The following EPHB1 variants were observed in gnomAD, a reference collection of about 807,000 sequenced individuals.
The protein encoded by EPHB1 is ephrin type-B receptor 1.
A neutral mutation model predicts 94.4 loss-of-function variants in EPHB1; 30 were observed. The observed-to-expected ratio is 0.32, with a 90% CI of 0.24 to 0.43. The LOEUF is 0.43. Ranked by LOEUF, EPHB1 falls within the 20% of genes least tolerant of loss-of-function variation. EPHB1 has a pLI of 1.00. For missense variants in EPHB1, 1,055 were observed against 1,308.3 expected (o/e 0.81, Z 2.99); for synonymous variants, 522 against 489.1 (o/e 1.07, Z -0.89).
chr3:134,871,816 TCAGTCTTTATAA>T (rs1269835104), intron 1 of EPHB1, among the ~76,000 whole-genome samples: 2 of 152,204 alleles, frequency 1.3e-5, no homozygotes, highest in Non-Finnish European at 2.9e-5. Context: ...TGCTCTTCCC[TCAGTCTTTATAA>T]CACTGTAAGT....
chr3:135,154,108 A>G, intron 5 of EPHB1, 44 bp from the exon 6 acceptor site: 2 of 1,612,430 alleles, frequency 1.2e-6, no homozygotes, highest in Non-Finnish European at 1.7e-6. Context: ...TTCCCCTATA[A>G]TTGAGTGTCT....
chr3:135,129,206 G>T (rs58510956), intron 4 of EPHB1, among the ~76,000 whole-genome samples: 2,035 of 151,986 alleles, frequency 0.013, 46 homozygotes, highest in African/African-American at 0.046. Flanking sequence ...GGAATGGGGG[G>T]TGGGGGTGGG....
At chr3:134,952,218 C>T (rs1458220508) in intron 3 of EPHB1, among the ~76,000 whole-genome samples, 166 bp downstream of exon 3, 1 of 152,220 alleles carries the variant, frequency 6.6e-6, no homozygotes, top group Non-Finnish European at 1.5e-5. Context: ...ATTTTCCAAT[C>T]ATGTCCAACC....
chr3:135,107,660 A>G (rs146087702), intron 4 of EPHB1, among the ~76,000 whole-genome samples: 1 of 152,284 alleles, frequency 6.6e-6, no homozygotes, highest in African/African-American at 2.4e-5. Context: ...TGTTTGATGA[A>G]CAGAAAAAGT....
intron 2 of EPHB1, among the ~76,000 whole-genome samples, chr3:134,933,271 T>C (rs1160314294): frequency 6.6e-6 from 1 of 152,176 alleles, no homozygotes; most frequent in Non-Finnish European, 1.5e-5. Flanking sequence ...CCAGCCCCTA[T>C]AGCCTTTTTC....
At chr3:134,955,910 C>T (rs939061276) in intron 3 of EPHB1, among the ~76,000 whole-genome samples, 1 of 152,184 alleles carries the variant, frequency 6.6e-6, no homozygotes, top group Admixed American at 6.5e-5. Flanking sequence ...ATAGCTTTGT[C>T]TTCCCTTCTC....
intron 1 of EPHB1, among the ~76,000 whole-genome samples, chr3:134,856,426 G>A (rs2037119001): frequency 6.6e-6 from 1 of 152,210 alleles, no homozygotes; most frequent in African/African-American, 2.4e-5. Flanking sequence ...CACTCCTTGA[G>A]GTTGTAGAAG....
chr3:134,899,131 T>A (rs2038147387), intron 1 of EPHB1, among the ~76,000 whole-genome samples: 1 of 152,204 alleles, frequency 6.6e-6, no homozygotes, highest in Admixed American at 6.5e-5. Context: ...CATGGATTCA[T>A]GGGCTTTTCA....
chr3:135,050,026 C>T (rs572001207), intron 3 of EPHB1, among the ~76,000 whole-genome samples: 1 of 152,224 alleles, frequency 6.6e-6, no homozygotes, highest in Non-Finnish European at 1.5e-5. Flanking sequence ...TTTGTCTTCA[C>T]AGCCAAGGCA....
At chr3:135,217,475 GGGAGA>G (rs1281516784) in intron 12 of EPHB1, among the ~76,000 whole-genome samples, 9 of 149,612 alleles carry the variant, frequency 6.0e-5, no homozygotes, top group African/African-American at 1.7e-4. Flanking sequence ...CACGCACACG[GGGAGA>G]GAGAGAGAGA....
intron 1 of EPHB1, among the ~76,000 whole-genome samples, chr3:134,799,604 C>T (rs1013104500): frequency 6.6e-6 from 1 of 152,184 alleles, no homozygotes; most frequent in Non-Finnish European, 1.5e-5. Context: ...AGTCCCAGCT[C>T]AAACCTTCTG....
In EPHB1 at chr3:134,795,566, G is replaced by A; in HGVS notation, c.-66G>A. 9.2e-6 allele frequency: 14 copies of A among 1,520,556 alleles called. No homozygotes were observed. Among genetic ancestry groups the A allele is most frequent in the Non-Finnish European group, 1.3e-5 (14 of 1,110,036 alleles). The allele number at this position is 1,520,556 out of a possible 1,614,324, so 94.2% of individuals were successfully genotyped here. ...CCCGCGGAGAGCGCAGCGGCGCCCTGGGACGCGGCGCTCTCCCGGCGCTGC... is the reference window on the plus strand; with the variant it reads ...CCCGCGGAGAGCGCAGCGGCGCCCTAGGACGCGGCGCTCTCCCGGCGCTGC... On this transcript the variant is annotated 5_prime_UTR_variant, in exon 1 of 16. The change creates a premature stop within an existing upstream ORF in the 5' untranslated region. Transcript: ENST00000398015.
At chr3:134,921,159 C>T (rs1027187918) in intron 1 of EPHB1, among the ~76,000 whole-genome samples, 1 of 152,124 alleles carries the variant, frequency 6.6e-6, no homozygotes, top group African/African-American at 2.4e-5. Context: ...TCCTTTTGCT[C>T]ACTGTTTTTC....
intron 1 of EPHB1, among the ~76,000 whole-genome samples, chr3:134,821,692 C>G (rs953868467): frequency 5.3e-5 from 8 of 152,186 alleles, no homozygotes; most frequent in Non-Finnish European, 1.2e-4. Context: ...AGAAGCCTGG[C>G]TCTGATGTTC....
chr3:134,806,163 A>G (rs2036039240), intron 1 of EPHB1, among the ~76,000 whole-genome samples: 1 of 152,232 alleles, frequency 6.6e-6, no homozygotes, highest in African/African-American at 2.4e-5. Context: ...CAAAATGTGG[A>G]GGCTCATTCC....
chr3:134,985,686 T>C (rs967353292), intron 3 of EPHB1, among the ~76,000 whole-genome samples: 3 of 152,188 alleles, frequency 2.0e-5, no homozygotes, highest in African/African-American at 7.2e-5. Context: ...ATGAGTAACA[T>C]GCCCAGCACA....
chr3:135,223,703 A>C (rs1943326005), intron 12 of EPHB1, among the ~76,000 whole-genome samples: 2 of 152,252 alleles, frequency 1.3e-5, no homozygotes, highest in Non-Finnish European at 2.9e-5. Flanking sequence ...TTCAAAAAGA[A>C]ATGTCATTGT....
intron 3 of EPHB1, among the ~76,000 whole-genome samples, chr3:134,967,374 G>T (rs1238127436): frequency 6.6e-6 from 1 of 152,174 alleles, no homozygotes; most frequent in Non-Finnish European, 1.5e-5. Context: ...TCATGGGTTT[G>T]AAACTTGGTC....
Position 134,925,876 on chromosome 3 carries a change from C to A in EPHB1, c.119C>A (p.Ser40Tyr). The change falls in exon 2 of 16, where the codon TCC becomes TAC. Residue 40 changes from serine (S) to tyrosine (Y), a missense_variant. Coordinates refer to ENST00000398015, the MANE Select transcript of EPHB1 (RefSeq NM_004441.5). ...CTGGGCTGGACGGCCAATCCTGCGTCCGGGGTGAGTATCAAACCATTCGTC... is the reference window on the plus strand; with the variant it reads ...CTGGGCTGGACGGCCAATCCTGCGTACGGGGTGAGTATCAAACCATTCGTC... ...AELGWTANPA[S>Y]GWEEVSGYDE... 1 of 1,602,336 alleles carries A rather than the reference C, an allele frequency of 6.2e-7. No homozygotes were observed.
Sources: allele counts gnomAD v4.1 joint callset (sites outside exome capture counted in the v4.1 genomes callset), GRCh38; gene constraint gnomAD v4.1.1; transcripts MANE v1.5; gene names NCBI Gene and HGNC (gene_info 2026-07-23, HGNC 2026-07-21).